Variants in ARHGEF4 observed in about 807,000 individuals in gnomAD.
ARHGEF4 encodes Rho guanine nucleotide exchange factor 4, also known as APC-stimulated guanine nucleotide exchange factor 1.
A neutral mutation model predicts 162.0 loss-of-function variants in ARHGEF4; 119 were observed. The observed-to-expected ratio is 0.73, with a 90% CI of 0.63 to 0.86. ARHGEF4 has a LOEUF of 0.86. Ranked by LOEUF, ARHGEF4 falls within the 40% of genes least tolerant of loss-of-function variation. The pLI, the probability that ARHGEF4 is intolerant of heterozygous loss-of-function variation, is 0.00. For missense variants in ARHGEF4, 2,488 were observed against 2,456.0 expected (o/e 1.01, Z -0.28); for synonymous variants, 1,014 against 979.9 (o/e 1.03, Z -0.65).
chr2:130,859,115 A>G (rs1681907844), intron 1 of ARHGEF4, among the ~76,000 whole-genome samples: 1 of 12,810 alleles, frequency 7.8e-5, no homozygotes, highest in African/African-American at 1.7e-4. Flanking sequence ...AATCCGGGCC[A>G]GGCACAGTGG....
At chr2:131,013,914 A>G (rs1480302418) in intron 4 of ARHGEF4, among the ~76,000 whole-genome samples, 2 of 152,216 alleles carry the variant, frequency 1.3e-5, no homozygotes, top group African/African-American at 4.8e-5. Context: ...TTTGTTTTAA[A>G]TAACTAGCTC....
At chr2:130,870,474 G>A (rs564204276) in intron 1 of ARHGEF4, among the ~76,000 whole-genome samples, 4 of 152,198 alleles carry the variant, frequency 2.6e-5, no homozygotes, top group Non-Finnish European at 4.4e-5. Context: ...GCAGGAAGGG[G>A]CCCTCAGCCC....
intron 2 of ARHGEF4, among the ~76,000 whole-genome samples, chr2:130,929,110 G>A (rs748415435): frequency 2.0e-5 from 3 of 152,170 alleles, no homozygotes; most frequent in Admixed American, 1.3e-4. Flanking sequence ...GACTTGCTCT[G>A]AGGCAAGTCG....
Position 130,914,482 on chromosome 2 carries a change from G to A in ARHGEF4, c.536G>A (p.Arg179Gln), listed in dbSNP as rs1289366841. 2.1e-5 allele frequency: 30 copies of A among 1,433,486 alleles called. No homozygotes were observed. The highest frequency in any genetic ancestry group is 1.5e-4 in the East Asian group (6 of 40,044). 88.8% of individuals were successfully genotyped at this position (1,433,486 alleles called of 1,614,324 possible). Reference protein sequence around the residue: ...ERESLLAGVPRHTGCCLQRAT... With the variant: ...ERESLLAGVPQHTGCCLQRAT... ...GAGTCTTTGCTGGCAGGGGTTCCCC[G>A]ACACACAGGGTGCTGCTTACAGAGG... Residue 179 changes from arginine to glutamine, a missense_variant, in exon 2 of 14, where the codon CGA (arginine) becomes CAA (glutamine). Coordinates refer to ENST00000409359, the MANE Select transcript of ARHGEF4 (RefSeq NM_001367493.1).
At chr2:130,935,845 T>TCTAC (rs1283136361) in intron 3 of ARHGEF4, among the ~76,000 whole-genome samples, 1 of 152,212 alleles carries the variant, frequency 6.6e-6, no homozygotes, top group Non-Finnish European at 1.5e-5. Context: ...GGCAGGTAGA[T>TCTAC]CACTTGAGGT....
intron 1 of ARHGEF4, among the ~76,000 whole-genome samples, chr2:130,854,684 G>A (rs765475004): frequency 3.3e-4 from 50 of 152,222 alleles, no homozygotes; most frequent in Non-Finnish European, 6.0e-4. Flanking sequence ...CACCAGGAGG[G>A]GCGAGACAGG....
At chr2:130,984,313 A>G (rs1008879006) in intron 4 of ARHGEF4, among the ~76,000 whole-genome samples, 3 of 152,204 alleles carry the variant, frequency 2.0e-5, no homozygotes, top group Non-Finnish European at 4.4e-5. Flanking sequence ...AAACCTGGAT[A>G]CATGCAACTC....
rs3739125 is a variant in ARHGEF4, at chr2:130,917,154, C to G, written c.3208C>G (p.Leu1070Val). The change falls in exon 2 of 14, where the codon CTG (leucine) becomes GTG (valine). Residue 1070 changes from leucine (L) to valine (V), a missense_variant. Transcript: ENST00000409359. ...RAQQAGIAHT[L>V]PSSSACCLAY... Reference sequence around the variant, plus strand: ...CCAGCAGGCTGGAATCGCACACACCCTGCCTTCCAGCTCTGCCTGCTGCCT... The same window carrying G: ...CCAGCAGGCTGGAATCGCACACACCGTGCCTTCCAGCTCTGCCTGCTGCCT... 2,290 of 1,550,554 alleles carry G rather than the reference C, an allele frequency of 1.5e-3. 70 individuals carry two copies. The East Asian group carries it at 0.051, about 34-fold the overall frequency.
chr2:130,859,163 C>T (rs867955001), intron 1 of ARHGEF4, among the ~76,000 whole-genome samples: 870 of 11,876 alleles, frequency 0.073, 74 homozygotes, highest in African/African-American at 0.16. Context: ...GAGGCCAAAG[C>T]GGGCAGATCA....
Position 130,916,063 on chromosome 2 carries a change from G to C in ARHGEF4, c.2117G>C (p.Arg706Pro). The change falls in exon 2 of 14, where the codon CGG becomes CCG. Residue 706 changes from arginine to proline, a missense_variant. This residue lies in a region of ARHGEF4 where 1,642 missense variants were observed against 1,481.5 expected (regional missense o/e 1.11). Transcript: ENST00000409359. ...GGAGCTGGCGATGGGGCTCTTCAGC[G>C]GGTGGCCCAGGCCGCAGAGCTTGGG... Reference protein sequence around the residue: ...IQGAGDGALQRVAQAAELGRV... With the variant: ...IQGAGDGALQPVAQAAELGRV... 1.3e-6 allele frequency: 2 copies of C among 1,550,184 alleles called. No individual in the cohort carries two copies. The highest frequency in any genetic ancestry group is 4.9e-5 in the East Asian group (2 of 40,886).
At chr2:131,002,794 C>T (rs1276769476) in intron 4 of ARHGEF4, among the ~76,000 whole-genome samples, 1 of 150,980 alleles carries the variant, frequency 6.6e-6, no homozygotes, top group Non-Finnish European at 1.5e-5. Context: ...GTAAAATCAG[C>T]CTCCGCTGCT....
chr2:130,916,766 CGAG>C lies in ARHGEF4; in HGVS notation c.2821_2823del (p.Glu941del). Reference sequence around the variant, plus strand: ...AACGTTCCCCAAGTTCTCCCAAGGGCGAGAAGGAGAAGAGCAGGCTGCGCCAGG... The same window carrying C: ...AACGTTCCCCAAGTTCTCCCAAGGGCAAGGAGAAGAGCAGGCTGCGCCAGG... On this transcript the variant is annotated inframe_deletion, in exon 2 of 14. Coordinates refer to ENST00000409359, the MANE Select transcript of ARHGEF4 (RefSeq NM_001367493.1). 1 of 1,550,598 alleles carries C rather than the reference CGAG, an allele frequency of 6.4e-7. No homozygotes were observed. Among genetic ancestry groups the C allele is most frequent in the East Asian group, 2.4e-5 (1 of 40,896 alleles).
chr2:130,917,685 C>T (rs532878382), intron 2 of ARHGEF4, among the ~76,000 whole-genome samples, 187 bp downstream of exon 2: 18 of 152,294 alleles, frequency 1.2e-4, no homozygotes, highest in African/African-American at 3.8e-4. Context: ...TGAACGTTAC[C>T]AAGCTAACAA....
chr2:130,984,866 A>G (rs1686375833), intron 4 of ARHGEF4, among the ~76,000 whole-genome samples: 1 of 152,078 alleles, frequency 6.6e-6, no homozygotes, highest in Non-Finnish European at 1.5e-5. Flanking sequence ...TGGTTTTTGC[A>G]AACAAAAATT....
At chr2:130,970,481 C>G (rs1412045020) in intron 4 of ARHGEF4, among the ~76,000 whole-genome samples, 2 of 151,362 alleles carry the variant, frequency 1.3e-5, no homozygotes, top group African/African-American at 4.9e-5. Flanking sequence ...CCCAGCCACT[C>G]GGCAGGCTGA....
At chr2:130,988,337 C>G (rs1056780016) in intron 4 of ARHGEF4, among the ~76,000 whole-genome samples, 2 of 152,210 alleles carry the variant, frequency 1.3e-5, no homozygotes, top group Non-Finnish European at 2.9e-5. Flanking sequence ...TGCTGCATCC[C>G]AGAAAGTGTC....
chr2:130,845,284 C>T (rs1389457100), intron 1 of ARHGEF4, among the ~76,000 whole-genome samples: 2 of 151,458 alleles, frequency 1.3e-5, no homozygotes, highest in Admixed American at 6.6e-5. Context: ...CTTTGGGAGG[C>T]CATTTGAGCC....
intron 4 of ARHGEF4, among the ~76,000 whole-genome samples, chr2:130,995,583 G>A (rs1301212894): frequency 6.6e-6 from 1 of 152,200 alleles, no homozygotes; most frequent in Non-Finnish European, 1.5e-5. Flanking sequence ...AGTATCTGCA[G>A]AATACTTTAT....
At chr2:130,889,330 G>A (rs1416039026) in intron 1 of ARHGEF4, among the ~76,000 whole-genome samples, 1 of 151,764 alleles carries the variant, frequency 6.6e-6, no homozygotes, top group African/African-American at 2.4e-5. Context: ...TTTTTTAAAT[G>A]GTCCTAGATG....
Sources: allele counts gnomAD v4.1 joint callset (sites outside exome capture counted in the v4.1 genomes callset), GRCh38; gene constraint gnomAD v4.1.1; regional missense constraint gnomAD v4.1.1; transcripts MANE v1.5; gene names NCBI Gene and HGNC (gene_info 2026-07-23, HGNC 2026-07-21).